PRKN: variants seen among roughly 807,000 people sequenced by gnomAD.
The protein encoded by PRKN is parkin RBR E3 ubiquitin protein ligase, also known as E3 ubiquitin-protein ligase parkin.
In PRKN, 56 loss-of-function variants were observed where a neutral mutation model predicts 59.5. The observed-to-expected ratio is 0.94, with a 90% CI of 0.76 to 1.18. The LOEUF (loss-of-function observed/expected upper bound fraction) is 1.18. Among genes scored for constraint, PRKN ranks in the 50% most tolerant of loss-of-function variants. PRKN has a pLI of 0.00. For missense variants in PRKN, 657 were observed against 596.4 expected, an observed-to-expected ratio of 1.10 and a Z score of -1.06; for synonymous variants, 250 against 222.1, an observed-to-expected ratio of 1.13 and a Z score of -1.12.
chr6:161,494,027 C>T (rs1421886828), intron 9 of PRKN, among the ~76,000 whole-genome samples: 1 of 152,194 alleles, frequency 6.6e-6, no homozygotes, highest in African/African-American at 2.4e-5. Context: ...ATGCTTTCTT[C>T]CTACCATGGA....
intron 6 of PRKN, among the ~76,000 whole-genome samples, chr6:161,904,179 A>G (rs1778041622): frequency 6.6e-6 from 1 of 152,124 alleles, no homozygotes; most frequent in Non-Finnish European, 1.5e-5. Flanking sequence ...TTAAAAAATA[A>G]TAAGTTAAAA....
rs567888943 is a variant in PRKN at position 161,793,068 on chromosome 6, G to A, written c.735-7160C>T. 2.0e-5 allele frequency among the ~76,000 whole-genome samples: 3 copies of A among 152,278 alleles called. No individual in the cohort carries two copies. In the East Asian group the frequency reaches 5.8e-4, roughly 29 times the overall value. Reference sequence around the variant, plus strand: ...GAGAGCATTTCAGCCCACGTGGGTCGTATGAGTTCATTATTTGAATTAGCC... The same window carrying A: ...GAGAGCATTTCAGCCCACGTGGGTCATATGAGTTCATTATTTGAATTAGCC... On this transcript the variant is annotated intron_variant, in intron 6 of 11. Transcript: ENST00000366898.
At position 161,405,574 on chromosome 6, in the gene PRKN, C is replaced by A. The variant is rs147151949; in HGVS notation, c.1084-18697G>T. ...CTCCAGCCTGGGTGACAAAGCAAGA[C>A]CCTGTCTAAAAAATAAAATAAAATA... On this transcript the variant is annotated intron_variant, in intron 9 of 11. Coordinates refer to ENST00000366898, the MANE Select transcript of PRKN (RefSeq NM_004562.3). The surrounding 1 kb of genome is among the most constrained non-coding windows in gnomAD (Gnocchi z 5.1). Among the ~76,000 whole-genome samples the A allele has an allele frequency of 6.7e-6, 1 of 150,100 alleles. No homozygotes were observed. The highest frequency in any genetic ancestry group is 1.5e-5 in the Non-Finnish European group (1 of 67,626).
At chr6:162,472,453 C>CT (rs1309645730) in intron 1 of PRKN, among the ~76,000 whole-genome samples, 2 of 115,778 alleles carry the variant, frequency 1.7e-5, no homozygotes, top group African/African-American at 7.1e-5. Context: ...AGTCCAAACT[C>CT]TAACTTTTAT....
chr6:161,956,905 T>A (rs1489817840), intron 6 of PRKN, among the ~76,000 whole-genome samples: 1 of 152,188 alleles, frequency 6.6e-6, no homozygotes, highest in Admixed American at 6.6e-5. Flanking sequence ...AAGGCCACTT[T>A]CTTGGAAAAT....
intron 2 of PRKN, among the ~76,000 whole-genome samples, chr6:162,374,567 A>G (rs1310450601): frequency 6.6e-6 from 1 of 151,472 alleles, no homozygotes; most frequent in Non-Finnish European, 1.5e-5. Context: ...TTATTTATTC[A>G]TTTATTGGAT....
At chr6:161,941,610 T>C (rs1779570309) in intron 6 of PRKN, among the ~76,000 whole-genome samples, 1 of 152,214 alleles carries the variant, frequency 6.6e-6, no homozygotes, top group Admixed American at 6.5e-5. Flanking sequence ...TAACACAAGC[T>C]GTCTACAGAT....
intron 5 of PRKN, among the ~76,000 whole-genome samples, chr6:162,002,187 G>T (rs1306814760): frequency 6.6e-6 from 1 of 151,954 alleles, no homozygotes; most frequent in Non-Finnish European, 1.5e-5. Context: ...GAATTAGAAA[G>T]AATTTCTGCA....
chr6:162,563,073 C>T (rs1327776536), intron 1 of PRKN, among the ~76,000 whole-genome samples: 2 of 152,078 alleles, frequency 1.3e-5, no homozygotes, highest in South Asian at 2.1e-4. Context: ...GAGGCCGAGG[C>T]GGGCGGATCA....
chr6:162,381,892 T>C (rs1426617376), intron 2 of PRKN, among the ~76,000 whole-genome samples: 3 of 152,168 alleles, frequency 2.0e-5, no homozygotes, highest in Non-Finnish European at 4.4e-5. Context: ...TTCAACAGAA[T>C]AAGGAAAACT....
At chr6:161,426,036 T>C (rs1473744556) in intron 9 of PRKN, among the ~76,000 whole-genome samples, 1 of 152,034 alleles carries the variant, frequency 6.6e-6, no homozygotes, top group Non-Finnish European at 1.5e-5. Flanking sequence ...TTAACAAAGA[T>C]GAGTGATGGC....
intron 1 of PRKN, among the ~76,000 whole-genome samples, chr6:162,495,609 C>A (rs995034303): frequency 6.6e-6 from 1 of 152,182 alleles, no homozygotes; most frequent in Non-Finnish European, 1.5e-5. Flanking sequence ...CAGTGTGATA[C>A]CTAAAGAGCA....
chr6:161,865,986 A>G (rs1439771340), intron 6 of PRKN, among the ~76,000 whole-genome samples: 2 of 152,120 alleles, frequency 1.3e-5, no homozygotes, highest in South Asian at 4.1e-4. Flanking sequence ...AGTAAGATGC[A>G]ATTTTCCTTT....
chr6:161,680,426 C>T (rs976297213), intron 7 of PRKN, among the ~76,000 whole-genome samples: 1 of 152,056 alleles, frequency 6.6e-6, no homozygotes, highest in South Asian at 2.1e-4. Flanking sequence ...TGTGAATGGC[C>T]GAGTTCTGAG....
chr6:162,618,054 T>C (rs1222407116), intron 1 of PRKN, among the ~76,000 whole-genome samples: 2 of 152,248 alleles, frequency 1.3e-5, no homozygotes, highest in East Asian at 1.9e-4. Context: ...AAACCCATGC[T>C]GTTAGTGTTA....
At chr6:162,618,482 G>A (rs1033660137) in intron 1 of PRKN, among the ~76,000 whole-genome samples, 1 of 152,034 alleles carries the variant, frequency 6.6e-6, no homozygotes, top group Non-Finnish European at 1.5e-5. Context: ...GGAAATCCCA[G>A]ACACATTTCT....
chr6:161,614,020 G>A (rs901226497), intron 7 of PRKN, among the ~76,000 whole-genome samples: 1 of 152,134 alleles, frequency 6.6e-6, no homozygotes, highest in African/African-American at 2.4e-5. Flanking sequence ...TAGGATTGAG[G>A]TCCCTTTTCC....
intron 1 of PRKN, chr6:162,568,487 AGGCATCACCGCCGTTGT>A (rs1361793651): frequency 1.5e-6 from 1 of 665,966 alleles, no homozygotes; most frequent in African/African-American, 1.8e-5. Context: ...GCGGCATGGG[AGGCATCACCGCCGTTGT>A]GGTCAACCAG....
chr6:162,024,952 C>T (rs1783365151), intron 5 of PRKN, among the ~76,000 whole-genome samples: 1 of 151,268 alleles, frequency 6.6e-6, no homozygotes. Flanking sequence ...ACATTTATTA[C>T]ATATTTTTAT....
Sources: allele counts gnomAD v4.1 joint callset (sites outside exome capture counted in the v4.1 genomes callset), GRCh38; gene constraint gnomAD v4.1.1; non-coding constraint Gnocchi (gnomAD v3.1); transcripts MANE v1.5; gene names NCBI Gene and HGNC (gene_info 2026-07-23, HGNC 2026-07-21).